Variants in MAML3 observed in about 807,000 individuals in gnomAD.
MAML3 encodes the protein mastermind like transcriptional coactivator 3.
MAML3 carries 27 observed loss-of-function variants against 101.9 expected under a neutral mutation model. The observed-to-expected ratio is 0.27, with a 90% CI of 0.20 to 0.37. The LOEUF (loss-of-function observed/expected upper bound fraction) is 0.37. Ranked by LOEUF, MAML3 falls within the 10% of genes least tolerant of loss-of-function variation. The pLI is 1.00. For missense variants in MAML3, 1,316 were observed against 1,444.9 expected (o/e 0.91, Z 1.45); for synonymous variants, 501 against 555.9 (o/e 0.90, Z 1.39).
At chr4:140,105,018 G>A (rs1037177488) in intron 1 of MAML3, among the ~76,000 whole-genome samples, 1 of 152,034 alleles carries the variant, frequency 6.6e-6, no homozygotes, top group Admixed American at 6.5e-5. Context: ...GAGTGTTTAT[G>A]TAAGCAGTAA....
At chr4:140,149,940 T>TTC (rs1553981680) in intron 1 of MAML3, among the ~76,000 whole-genome samples, 1 of 1,234 alleles carries the variant, frequency 8.1e-4, no homozygotes, top group African/African-American at 1.1e-3. Flanking sequence ...TGTTTCTTTC[T>TTC]TTTTTTTTTT....
At chr4:140,129,190 G>A (rs1453636210) in intron 1 of MAML3, among the ~76,000 whole-genome samples, 1 of 152,112 alleles carries the variant, frequency 6.6e-6, no homozygotes, top group East Asian at 1.9e-4. Flanking sequence ...GCATTTAAAA[G>A]TGTCTCACAC....
intron 1 of MAML3, among the ~76,000 whole-genome samples, chr4:140,092,507 C>T (rs1192175586): frequency 1.3e-5 from 2 of 152,140 alleles, no homozygotes; most frequent in East Asian, 3.9e-4. Flanking sequence ...ACAAACGGCG[C>T]GGCCGCTCCT....
rs61573991 is a variant in MAML3 at position 139,927,072 on chromosome 4, CTTTTTT to C, written c.469-36111_469-36106del. ...TGTTTAATGAGTTTTTTTCTTTTTT[CTTTTTT>C]TTTTTTTTGTACTTTTTGTACTTTT... is the stretch of plus-strand genomic sequence containing the variant. On this transcript the variant is annotated intron_variant, in intron 1 of 4. Coordinates refer to ENST00000509479, the MANE Select transcript of MAML3 (RefSeq NM_018717.5). Among the ~76,000 whole-genome samples the C allele has an allele frequency of 2.6e-3, 355 of 134,746 alleles. 8 individuals are homozygous for C. Among genetic ancestry groups the C allele is most frequent in the Non-Finnish European group, 7.3e-4 (47 of 64,130 alleles). The allele number at this position is 134,746 out of a possible 152,430, so 88.4% of individuals were successfully genotyped here. A position where few individuals can be genotyped will look rare whatever the true frequency, so the allele number is the denominator to read the frequency against.
intron 2 of MAML3, among the ~76,000 whole-genome samples, chr4:139,753,341 AATCTATCTATCT>A (rs35975255): frequency 6.3e-4 from 92 of 146,690 alleles, no homozygotes; most frequent in African/African-American, 1.0e-3. Flanking sequence ...TTTTCTTTTT[AATCTATCTATCT>A]ATCTATCTAT....
At chr4:140,107,279 C>T (rs1201158679) in intron 1 of MAML3, among the ~76,000 whole-genome samples, 1 of 152,164 alleles carries the variant, frequency 6.6e-6, no homozygotes, top group Non-Finnish European at 1.5e-5. Context: ...ATAAACTACA[C>T]AATGAAAATA....
At chr4:139,870,195 TTG>T (rs1222846439) in intron 2 of MAML3, among the ~76,000 whole-genome samples, 7 of 152,196 alleles carry the variant, frequency 4.6e-5, no homozygotes, top group Admixed American at 3.9e-4. Flanking sequence ...AGATAATGCT[TTG>T]TTGTGCAGAG....
At chr4:139,909,580 C>T (rs570970771) in intron 1 of MAML3, among the ~76,000 whole-genome samples, 5 of 152,200 alleles carry the variant, frequency 3.3e-5, no homozygotes, top group South Asian at 4.1e-4. Context: ...TGCGGTGGCC[C>T]GCACCTGTAA....
intron 1 of MAML3, among the ~76,000 whole-genome samples, chr4:139,993,274 C>T (rs1734715338): frequency 6.6e-6 from 1 of 151,092 alleles, no homozygotes; most frequent in Non-Finnish European, 1.5e-5. Flanking sequence ...ATCGCTTGAA[C>T]CCAAGAGGTG....
intron 1 of MAML3, among the ~76,000 whole-genome samples, chr4:140,002,185 T>G (rs1734937374): frequency 6.6e-6 from 1 of 152,192 alleles, no homozygotes; most frequent in Non-Finnish European, 1.5e-5. Flanking sequence ...AAATTTTGTA[T>G]CTTTTGACCA....
At chr4:140,110,256 G>A (rs1194652983) in intron 1 of MAML3, among the ~76,000 whole-genome samples, 5 of 152,190 alleles carry the variant, frequency 3.3e-5, no homozygotes, top group African/African-American at 4.8e-5. Flanking sequence ...CCAACAAAAC[G>A]CTTGCACAGG....
At chr4:139,951,900 ACAC>A (rs1733837423) in intron 1 of MAML3, among the ~76,000 whole-genome samples, 1 of 152,140 alleles carries the variant, frequency 6.6e-6, no homozygotes, top group East Asian at 1.9e-4. Context: ...GCAGTGGCTC[ACAC>A]CTGTAATCCT....
At chr4:139,838,992 T>C (rs1288537167) in intron 2 of MAML3, among the ~76,000 whole-genome samples, 1 of 152,166 alleles carries the variant, frequency 6.6e-6, no homozygotes, top group Non-Finnish European at 1.5e-5. Context: ...CTTGAAAACA[T>C]TTACCCTAAA....
chr4:140,103,962 A>G (rs1032261426), intron 1 of MAML3, among the ~76,000 whole-genome samples: 2 of 151,940 alleles, frequency 1.3e-5, no homozygotes, highest in Non-Finnish European at 2.9e-5. Flanking sequence ...ACCCCATCCT[A>G]TTGTTCAGGA....
At chr4:140,096,383 C>A (rs754929502) in intron 1 of MAML3, among the ~76,000 whole-genome samples, 1 of 152,114 alleles carries the variant, frequency 6.6e-6, no homozygotes, top group Non-Finnish European at 1.5e-5. Flanking sequence ...CTTAACTAAC[C>A]AGAATACAGC....
intron 1 of MAML3, among the ~76,000 whole-genome samples, chr4:140,083,894 C>T (rs769255000): frequency 3.3e-5 from 5 of 150,476 alleles, no homozygotes; most frequent in Middle Eastern, 3.4e-3. Context: ...AAAAGCCCAA[C>T]GGCAAAAGAA....
intron 1 of MAML3, chr4:140,134,308 AG>A: frequency 2.2e-6 from 1 of 456,766 alleles, no homozygotes; most frequent in Non-Finnish European, 4.4e-6. Flanking sequence ...CCCACACTCA[AG>A]GAACTTGTAC....
chr4:139,999,898 G>A (rs1459261944), intron 1 of MAML3, among the ~76,000 whole-genome samples: 2 of 152,220 alleles, frequency 1.3e-5, no homozygotes, highest in Non-Finnish European at 2.9e-5. Flanking sequence ...ATTCACAGAT[G>A]TGGATTACCA....
chr4:139,986,775 G>A lies in MAML3; in HGVS notation c.469-95808C>T, dbSNP rs138855907. The stretch of plus-strand genomic sequence containing the variant: ...ACTAAAGCCAGTGGCTCTGGTTAAC[G>A]CAGGAAACACAGTAAATACACAGTA... On this transcript the variant is annotated intron_variant, in intron 1 of 4. Coordinates refer to ENST00000509479, the MANE Select transcript of MAML3 (RefSeq NM_018717.5). 1.1e-3 allele frequency among the ~76,000 whole-genome samples: 175 copies of A among 152,228 alleles called. 1 individual carries two copies. The highest frequency in any genetic ancestry group is 4.0e-3 in the African/African-American group (168 of 41,548).
Sources: allele counts gnomAD v4.1 joint callset (sites outside exome capture counted in the v4.1 genomes callset), GRCh38; gene constraint gnomAD v4.1.1; transcripts MANE v1.5; gene names NCBI Gene and HGNC (gene_info 2026-07-23, HGNC 2026-07-21).